PHLDB1: variants seen among roughly 807,000 people sequenced by gnomAD.
The protein encoded by PHLDB1 is pleckstrin homology like domain family B member 1, also known as pleckstrin homology-like domain family B member 1.
Under a neutral mutation model 139.3 loss-of-function variants are expected in PHLDB1, and 65 were observed. The observed-to-expected ratio is 0.47, with a 90% CI of 0.38 to 0.57. The LOEUF is 0.57. PHLDB1 is among the 20% of genes least tolerant of loss of function. PHLDB1 has a pLI of 0.00. For missense variants in PHLDB1, 1,624 were observed against 1,839.7 expected, an observed-to-expected ratio of 0.88 and a Z score of 2.14; for synonymous variants, 679 against 734.5, an observed-to-expected ratio of 0.92 and a Z score of 1.22.
chr11:118,621,183 A>G (rs1426192036), intron 4 of PHLDB1, among the ~76,000 whole-genome samples: 2 of 151,564 alleles, frequency 1.3e-5, no homozygotes, highest in Non-Finnish European at 2.9e-5. Flanking sequence ...CCTCCCTTGA[A>G]CCTTTCCTTC....
chr11:118,646,037 G>A (rs1947448501), intron 17 of PHLDB1, among the ~76,000 whole-genome samples: 1 of 152,206 alleles, frequency 6.6e-6, no homozygotes, highest in South Asian at 2.1e-4. Context: ...GAGGCAGGCG[G>A]ATCACGAGGT....
intron 7 of PHLDB1, 60 bp downstream of exon 7, chr11:118,631,539 A>G: frequency 1.5e-6 from 2 of 1,353,612 alleles, no homozygotes; most frequent in Non-Finnish European, 1.9e-6. Context: ...GGGGCAGAGG[A>G]GGCTGGTGTA....
chr11:118,653,995 T>C (rs1555139558), intron 20 of PHLDB1: 2 of 152,218 alleles, frequency 1.3e-5, no homozygotes, highest in Non-Finnish European at 2.9e-5. Flanking sequence ...GACTTGGGAC[T>C]CATGCAGGGG....
chr11:118,625,902 G>A (rs986213709), intron 5 of PHLDB1, among the ~76,000 whole-genome samples: 9 of 152,038 alleles, frequency 5.9e-5, no homozygotes, highest in African/African-American at 9.7e-5. Context: ...CCCTACCCTC[G>A]ATCTTTTCCA....
At chr11:118,607,356 GGT>G (rs1939357439), upstream of PHLDB1, among the ~76,000 whole-genome samples, 1 of 50,966 alleles carries the variant, frequency 2.0e-5, no homozygotes, top group Non-Finnish European at 4.0e-5. Context: ...TGGTGGTGGT[GGT>G]GGTGGTGGTG....
At chr11:118,609,489 A>G (rs1939753536) in intron 1 of PHLDB1, among the ~76,000 whole-genome samples, 1 of 142,588 alleles carries the variant, frequency 7.0e-6, no homozygotes, top group African/African-American at 2.7e-5. Context: ...CAGCTCACAC[A>G]CGCAGCCCAG....
At chr11:118,639,787 A>G (rs1431784290) in intron 12 of PHLDB1, 5 of 870,246 alleles carry the variant, frequency 5.7e-6, no homozygotes, top group African/African-American at 1.8e-5. Flanking sequence ...CACTACACAA[A>G]CAATTTAGGC....
intron 1 of PHLDB1, among the ~76,000 whole-genome samples, chr11:118,607,971 C>G (rs1360109550): frequency 3.3e-5 from 5 of 152,066 alleles, no homozygotes; most frequent in African/African-American, 4.8e-5. Context: ...CTCTCCCCCC[C>G]TTGGAGAAAC....
chr11:118,627,659 C>A lies in PHLDB1; in HGVS notation c.836C>A (p.Pro279His). 1.2e-6 allele frequency: 2 copies of A among 1,611,764 alleles called. No homozygotes were observed. Residue 279 changes from proline to histidine, a missense_variant, in exon 6 of 23, where the codon CCT becomes CAT. Coordinates refer to ENST00000600882, the MANE Select transcript of PHLDB1 (RefSeq NM_001144758.3). ...TCACCCAGTGGGCAAGAGCCAGGAC[C>A]TTCTGTGCCCCCGCTGGTACCTGCC... ...SHSPSGQEPG[P>H]SVPPLVPARS...
intron 10 of PHLDB1, among the ~76,000 whole-genome samples, 200 bp from the exon 11 acceptor site, chr11:118,638,691 T>A (rs1208925584): frequency 2.0e-5 from 3 of 151,930 alleles, no homozygotes; most frequent in Non-Finnish European, 2.9e-5. Context: ...CAGGGGTCAT[T>A]GGTCAAGGGA....
At chr11:118,636,299 G>A (rs879977893) in intron 10 of PHLDB1, among the ~76,000 whole-genome samples, 1 of 152,164 alleles carries the variant, frequency 6.6e-6, no homozygotes, top group Non-Finnish European at 1.5e-5. Flanking sequence ...GAGTTAGTGT[G>A]GGGGAAGTGA....
chr11:118,632,249 G>C lies in PHLDB1; in HGVS notation c.2332G>C (p.Glu778Gln). 6.2e-7 allele frequency: 1 copy of C among 1,613,770 alleles called. No individual in the cohort carries two copies. The change falls in exon 9 of 23, where the codon GAG becomes CAG. Residue 778 changes from glutamate (E) to glutamine (Q), a missense_variant. Glu to Gln is a conservative substitution (Grantham distance 29). Transcript: ENST00000600882. This position sits in a 1 kb window ranked among gnomAD's most constrained non-coding sequence, Gnocchi z 5.9. ...GCAGAAGGCAGTGGATCAGCTGCAG[G>C]AGAAGCTGGTGGCCTTGGAGACAGG... is the stretch of plus-strand genomic sequence containing the variant. ...KEQKAVDQLQ[E>Q]KLVALETGIQ... is the part of the protein sequence containing the mutation.
chr11:118,627,922 C>G lies in PHLDB1; in HGVS notation c.1099C>G (p.Pro367Ala). 1 of 1,612,570 alleles carries G rather than the reference C, an allele frequency of 6.2e-7. No homozygotes were observed. The highest frequency in any genetic ancestry group is 8.5e-7 in the Non-Finnish European group (1 of 1,180,012). ...PVVAISLSEYPASGALSQPTS... is the reference protein window; with the variant it reads ...PVVAISLSEYAASGALSQPTS... The stretch of plus-strand genomic sequence containing the variant: ...GGTGGCCATCAGCCTGAGTGAATAC[C>G]CAGCTTCTGGTGCTCTCAGTCAACC... The change falls in exon 6 of 23, where the codon CCA (proline) becomes GCA (alanine). Residue 367 changes from proline (P) to alanine (A), a missense_variant. Pro to Ala is a conservative substitution (Grantham distance 27). Coordinates refer to ENST00000600882, the MANE Select transcript of PHLDB1 (RefSeq NM_001144758.3).
intron 17 of PHLDB1, among the ~76,000 whole-genome samples, chr11:118,646,153 G>A (rs972203442): frequency 1.3e-4 from 19 of 151,722 alleles, no homozygotes; most frequent in South Asian, 2.1e-4. Flanking sequence ...CCAGCTGCGC[G>A]GGAGGCTGAG....
At position 118,613,910 on chromosome 11, in the gene PHLDB1, G is replaced by A. The variant is rs1555086294; in HGVS notation, c.60+14G>A. On this transcript the variant is annotated intron_variant, in intron 2 of 22. Transcript: ENST00000600882. ...ACCATGGTGCAGGTGAGTGGGATCA[G>A]GGCTGTGAGGCAAGAGAGATATAAT... The A allele has an allele frequency of 1.9e-6, 3 of 1,542,130 alleles. No homozygotes were observed. The highest frequency in any genetic ancestry group is 2.7e-6 in the Non-Finnish European group (3 of 1,115,828).
rs145400565 is a variant in PHLDB1 at position 118,628,235 on chromosome 11, C to T, written c.1412C>T (p.Pro471Leu). ...SPSLSRRALSPLPTRTTPDPK... is the reference protein window; with the variant it reads ...SPSLSRRALSLLPTRTTPDPK... ...TCTCTGTCCCGGCGAGCTCTCTCCCCGCTGCCCACCCGGACCACCCCAGAT... is the reference window on the plus strand; with the variant it reads ...TCTCTGTCCCGGCGAGCTCTCTCCCTGCTGCCCACCCGGACCACCCCAGAT... The change falls in exon 6 of 23, where the codon CCG (proline) becomes CTG (leucine). Residue 471 changes from proline (P) to leucine (L), a missense_variant. Physicochemically the swap from Pro to Leu is moderately conservative, Grantham distance 98. Coordinates refer to ENST00000600882, the MANE Select transcript of PHLDB1 (RefSeq NM_001144758.3). The T allele has an allele frequency of 1.9e-4, 303 of 1,614,104 alleles. No individual in the cohort carries two copies. The highest frequency in any genetic ancestry group is 3.3e-4 in the Middle Eastern group (2 of 6,062).
intron 17 of PHLDB1, 34 bp from the exon 18 acceptor site, chr11:118,647,896 G>A (rs1555130733): frequency 6.5e-7 from 1 of 1,548,848 alleles, no homozygotes; most frequent in Non-Finnish European, 8.7e-7. Context: ...GAAGAGGATG[G>A]CCATAGGTGC....
intron 18 of PHLDB1, among the ~76,000 whole-genome samples, chr11:118,649,259 T>C (rs1330885311): frequency 1.3e-5 from 2 of 151,522 alleles, no homozygotes; most frequent in Non-Finnish European, 2.9e-5. Flanking sequence ...CCAGTCTGGA[T>C]GATGGAGTGA....
At chr11:118,637,204 G>A (rs1945787976) in intron 10 of PHLDB1, 3 of 152,152 alleles carry the variant, frequency 2.0e-5, no homozygotes, top group Non-Finnish European at 4.4e-5. Flanking sequence ...TATAAAATGG[G>A]TATAAATGCA....
Sources: gnomAD v4.1 joint callset for allele counts (sites outside exome capture counted in the v4.1 genomes callset) on GRCh38, gnomAD v4.1.1 for gene constraint, Gnocchi (gnomAD v3.1) non-coding constraint, MANE v1.5 for transcripts, NCBI Gene and HGNC (gene_info 2026-07-23, HGNC 2026-07-21) for gene names.